Variants in KCNIP4 observed in about 807,000 individuals in gnomAD.
The protein encoded by KCNIP4 is Kv channel-interacting protein 4.
KCNIP4 carries 12 observed loss-of-function variants against 34.0 expected under a neutral mutation model. That is an observed-to-expected ratio of 0.35 (90% CI 0.23 to 0.57). KCNIP4 has a LOEUF of 0.57. Among genes scored for constraint, KCNIP4 ranks in the 20% least tolerant of loss-of-function variants. The pLI, the probability that KCNIP4 is intolerant of heterozygous loss-of-function variation, is 0.83. For missense variants in KCNIP4, 238 were observed against 311.7 expected, an observed-to-expected ratio of 0.76 and a Z score of 1.78; for synonymous variants, 124 against 102.2, an observed-to-expected ratio of 1.21 and a Z score of -1.29.
chr4:20,860,119 C>A (rs1003990999), intron 2 of KCNIP4, among the ~76,000 whole-genome samples: 2 of 151,936 alleles, frequency 1.3e-5, no homozygotes, highest in Non-Finnish European at 2.9e-5. Flanking sequence ...ACAGCAGGTC[C>A]CATTTCTTTT....
At chr4:20,731,877 A>G (rs1748338797) in intron 8 of KCNIP4, 129 bp downstream of exon 8, 4 of 1,451,562 alleles carry the variant, frequency 2.8e-6, no homozygotes, top group Non-Finnish European at 3.6e-6. Flanking sequence ...CTTATGCTGC[A>G]TGTTGTAGAA....
chr4:21,542,711 T>A (rs1237362398), intron 1 of KCNIP4, among the ~76,000 whole-genome samples: 3 of 150,492 alleles, frequency 2.0e-5, no homozygotes, highest in South Asian at 4.2e-4. Context: ...AATATATATA[T>A]AAATATATGG....
chr4:21,804,823 T>A (rs990475237), intron 1 of KCNIP4, among the ~76,000 whole-genome samples: 15 of 152,192 alleles, frequency 9.9e-5, no homozygotes, highest in African/African-American at 3.6e-4. Context: ...TACAATTTCA[T>A]TCTGTCACAT....
At chr4:21,056,571 C>T (rs1214338394) in intron 1 of KCNIP4, among the ~76,000 whole-genome samples, 3 of 152,146 alleles carry the variant, frequency 2.0e-5, no homozygotes, top group East Asian at 3.8e-4. Context: ...GCCCTACATA[C>T]ACCCATTCTA....
At chr4:21,550,570 A>G (rs1490387259) in intron 1 of KCNIP4, among the ~76,000 whole-genome samples, 1 of 152,060 alleles carries the variant, frequency 6.6e-6, no homozygotes, top group Non-Finnish European at 1.5e-5. Flanking sequence ...CTCATGTCAT[A>G]CAATTCCTTA....
At chr4:21,389,710 A>T (rs1418426961) in intron 1 of KCNIP4, among the ~76,000 whole-genome samples, 1 of 151,932 alleles carries the variant, frequency 6.6e-6, no homozygotes. Context: ...ATTGATGGAC[A>T]TTTGCGTTGG....
At chr4:20,975,491 A>G (rs1052060706) in intron 1 of KCNIP4, among the ~76,000 whole-genome samples, 2 of 152,194 alleles carry the variant, frequency 1.3e-5, no homozygotes, top group Admixed American at 1.3e-4. Context: ...GGCTTAATTT[A>G]TATAACAACT....
At chr4:20,962,546 G>A (rs1203324422) in intron 1 of KCNIP4, among the ~76,000 whole-genome samples, 2 of 152,138 alleles carry the variant, frequency 1.3e-5, no homozygotes, top group African/African-American at 4.8e-5. Flanking sequence ...GATGTTGTCA[G>A]GTATACATAC....
In KCNIP4 at chr4:21,322,620, T is replaced by C. The variant is rs961972834; in HGVS notation, c.62-439911A>G. Among the ~76,000 whole-genome samples the C allele has an allele frequency of 3.9e-5, 6 of 152,274 alleles. No individual in the cohort carries two copies. In the East Asian group the frequency reaches 1.2e-3, roughly 29 times the overall value. On this transcript the variant is annotated intron_variant, in intron 1 of 8. Transcript: ENST00000382152. ...ACCGGCCTTCTAAAGGAGTCCTTCC[T>C]GCTTCGTTCTTCTACTGTATAAATG...
chr4:20,823,818 C>T (rs926849170), intron 3 of KCNIP4, among the ~76,000 whole-genome samples: 1 of 152,004 alleles, frequency 6.6e-6, no homozygotes, highest in Non-Finnish European at 1.5e-5. Context: ...AATGGTGAGA[C>T]TAGAAATAAG....
At chr4:21,617,707 G>C (rs1321812544) in intron 1 of KCNIP4, among the ~76,000 whole-genome samples, 1 of 152,146 alleles carries the variant, frequency 6.6e-6, no homozygotes, top group Non-Finnish European at 1.5e-5. Flanking sequence ...GTTGGGATTA[G>C]AGAATGTTTT....
intron 1 of KCNIP4, among the ~76,000 whole-genome samples, chr4:21,248,195 T>C (rs982538307): frequency 2.6e-5 from 4 of 151,818 alleles, no homozygotes; most frequent in South Asian, 2.1e-4. Flanking sequence ...CAGGCGTACC[T>C]CTCTCTTGCC....
chr4:21,170,978 C>T (rs1372446043), intron 1 of KCNIP4, among the ~76,000 whole-genome samples: 1 of 152,024 alleles, frequency 6.6e-6, no homozygotes, highest in Non-Finnish European at 1.5e-5. Context: ...AGAGCTTTGC[C>T]TTAATATGCC....
chr4:21,877,270 T>C (rs1249427743), intron 1 of KCNIP4, among the ~76,000 whole-genome samples: 1 of 152,030 alleles, frequency 6.6e-6, no homozygotes, highest in Admixed American at 6.6e-5. Context: ...GGAGAATTGC[T>C]TGAACCCGAG....
intron 1 of KCNIP4, among the ~76,000 whole-genome samples, chr4:21,916,882 G>C (rs2108990181): frequency 6.6e-6 from 1 of 152,276 alleles, no homozygotes; most frequent in Non-Finnish European, 1.5e-5. Context: ...AGTCAAGGGA[G>C]TCAACTAAAT....
intron 1 of KCNIP4, among the ~76,000 whole-genome samples, chr4:21,748,745 T>G (rs1359298528): frequency 6.6e-6 from 1 of 152,132 alleles, no homozygotes; most frequent in African/African-American, 2.4e-5. Context: ...TCATCTGAAC[T>G]GGCAAAGAAA....
At chr4:20,870,090 A>G (rs185020969) in intron 2 of KCNIP4, among the ~76,000 whole-genome samples, 37 of 152,222 alleles carry the variant, frequency 2.4e-4, no homozygotes, top group African/African-American at 8.7e-4. Flanking sequence ...CGATGGGTAC[A>G]TTGAGGTACA....
At chr4:20,955,052 A>G (rs541518069) in intron 1 of KCNIP4, among the ~76,000 whole-genome samples, 2 of 152,264 alleles carry the variant, frequency 1.3e-5, no homozygotes, top group African/African-American at 4.8e-5. Context: ...GGCCCAGGGT[A>G]GAGGAAGCAT....
intron 2 of KCNIP4, among the ~76,000 whole-genome samples, chr4:20,868,994 C>T (rs2011495): frequency 0.44 from 66,747 of 151,824 alleles, 16,651 homozygotes; most frequent in African/African-American, 0.69. Context: ...AAGAACATTA[C>T]TGTAAAGAGA....
Sources: gnomAD v4.1 joint callset for allele counts (sites outside exome capture counted in the v4.1 genomes callset) on GRCh38, gnomAD v4.1.1 for gene constraint, MANE v1.5 for transcripts, NCBI Gene and HGNC (gene_info 2026-07-23, HGNC 2026-07-21) for gene names.